Variants in NCAM2 observed in about 807,000 individuals in gnomAD.
NCAM2 encodes N-CAM-2.
In NCAM2, 30 loss-of-function variants were observed where a neutral mutation model predicts 98.1. The ratio of observed to expected loss-of-function variants is 0.31; its 90% confidence interval spans 0.23 to 0.41. The LOEUF is 0.41. Ranked by LOEUF, NCAM2 falls within the 10% of genes least tolerant of loss-of-function variation. NCAM2 has a pLI of 1.00. For missense variants in NCAM2, 867 were observed against 1,005.8 expected, an observed-to-expected ratio of 0.86 and a Z score of 1.87; for synonymous variants, 368 against 342.4, an observed-to-expected ratio of 1.07 and a Z score of -0.83.
At chr21:21,367,856 C>T (rs2075824388) in intron 8 of NCAM2, among the ~76,000 whole-genome samples, 1 of 151,804 alleles carries the variant, frequency 6.6e-6, no homozygotes, top group Non-Finnish European at 1.5e-5. Context: ...AGGATATAAG[C>T]CTATCCATTC....
intron 1 of NCAM2, among the ~76,000 whole-genome samples, chr21:21,064,701 C>G (rs1443729545): frequency 1.3e-5 from 2 of 152,128 alleles, no homozygotes; most frequent in African/African-American, 2.4e-5. Context: ...CTGAATCATG[C>G]TACAGAAAAC....
At chr21:21,050,667 C>A (rs2065090772) in intron 1 of NCAM2, among the ~76,000 whole-genome samples, 1 of 152,166 alleles carries the variant, frequency 6.6e-6, no homozygotes, top group African/African-American at 2.4e-5. Context: ...TATTGGAGAT[C>A]TAACAAGGAA....
chr21:21,416,576 AT>A (rs758526474), intron 10 of NCAM2, among the ~76,000 whole-genome samples: 31 of 152,054 alleles, frequency 2.0e-4, no homozygotes, highest in Non-Finnish European at 2.6e-4. Flanking sequence ...GTATGCCTAT[AT>A]TTAAATATGA....
chr21:21,277,218 CGTAA>C (rs1286175015), intron 1 of NCAM2, among the ~76,000 whole-genome samples: 1 of 151,990 alleles, frequency 6.6e-6, no homozygotes, highest in Non-Finnish European at 1.5e-5. Flanking sequence ...ATAAGCTCTT[CGTAA>C]GTGTCAATTA....
chr21:21,350,761 C>T (rs2075312320), intron 8 of NCAM2, among the ~76,000 whole-genome samples: 1 of 151,956 alleles, frequency 6.6e-6, no homozygotes, highest in African/African-American at 2.4e-5. Context: ...TTCAGATATA[C>T]ATATAAGCGT....
At chr21:21,441,913 G>A (rs1313145428) in intron 12 of NCAM2, among the ~76,000 whole-genome samples, 1 of 152,126 alleles carries the variant, frequency 6.6e-6, no homozygotes, top group East Asian at 1.9e-4. Flanking sequence ...GGTACTCTAT[G>A]TAATGAACAT....
intron 9 of NCAM2, among the ~76,000 whole-genome samples, chr21:21,391,640 C>G (rs574067547): frequency 6.6e-6 from 1 of 152,290 alleles, no homozygotes; most frequent in Non-Finnish European, 1.5e-5. Context: ...CTCACCAACA[C>G]TAACATGTCT....
chr21:21,145,260 A>G (rs2067247799), intron 1 of NCAM2, among the ~76,000 whole-genome samples: 1 of 152,202 alleles, frequency 6.6e-6, no homozygotes, highest in South Asian at 2.1e-4. Context: ...CATTCACTAT[A>G]ACAAGAAAAA....
intron 1 of NCAM2, among the ~76,000 whole-genome samples, chr21:21,213,633 T>C (rs1218540607): frequency 6.6e-6 from 1 of 152,194 alleles, no homozygotes; most frequent in Non-Finnish European, 1.5e-5. Flanking sequence ...CTGTCTACAG[T>C]TCTCCAAAGA....
chr21:21,430,099 A>G (rs2077298902), intron 11 of NCAM2, among the ~76,000 whole-genome samples: 2 of 151,468 alleles, frequency 1.3e-5, no homozygotes, highest in East Asian at 2.0e-4. Context: ...CATGATCTCA[A>G]CTCACTGCAA....
chr21:21,074,714 G>A (rs9647218), intron 1 of NCAM2, among the ~76,000 whole-genome samples: 25,811 of 152,098 alleles, frequency 0.17, 2,407 homozygotes, highest in Non-Finnish European at 0.19. Flanking sequence ...GCTAACACTC[G>A]TTCTTTCTTG....
intron 1 of NCAM2, among the ~76,000 whole-genome samples, chr21:21,097,616 C>G (rs1270958253): frequency 6.6e-6 from 1 of 151,448 alleles, no homozygotes; most frequent in African/African-American, 2.4e-5. Flanking sequence ...GTATACATAA[C>G]AGATATCTGC....
intron 1 of NCAM2, among the ~76,000 whole-genome samples, chr21:21,104,911 T>A (rs1424513969): frequency 1.3e-5 from 2 of 152,138 alleles, no homozygotes; most frequent in Non-Finnish European, 2.9e-5. Flanking sequence ...GAAATCATGT[T>A]GGGAGCAGCC....
At chr21:21,002,974 T>G (rs956087974) in intron 1 of NCAM2, among the ~76,000 whole-genome samples, 3 of 152,178 alleles carry the variant, frequency 2.0e-5, no homozygotes, top group African/African-American at 4.8e-5. Context: ...TTTTATGCTT[T>G]TATTAAATGT....
rs144547486 is a variant in NCAM2, at chr21:21,362,492, A to G, written c.1045-11371A>G. On this transcript the variant is annotated intron_variant, in intron 8 of 17. Transcript: ENST00000400546. The stretch of plus-strand genomic sequence containing the variant: ...CACGGAAGCCTTGAACTCCTGGGTC[A>G]ACCAATCCTCCCACCTCAGCCTTCT... 3.9e-3 allele frequency among the ~76,000 whole-genome samples: 595 copies of G among 152,010 alleles called. 4 individuals carry two copies. Among genetic ancestry groups the G allele is most frequent in the African/African-American group, 0.013 (558 of 41,462 alleles).
chr21:21,272,495 C>T (rs530819281), intron 1 of NCAM2, among the ~76,000 whole-genome samples: 1 of 64,164 alleles, frequency 1.6e-5, no homozygotes, highest in African/African-American at 6.6e-5. Flanking sequence ...CATACACACA[C>T]ATGCGCGCGC....
At chr21:21,337,346 C>T (rs2074899612) in intron 7 of NCAM2, among the ~76,000 whole-genome samples, 1 of 152,004 alleles carries the variant, frequency 6.6e-6, no homozygotes, top group Non-Finnish European at 1.5e-5. Flanking sequence ...TGTGTAGTAA[C>T]ATTCAACAAA....
chr21:21,102,984 G>C (rs1485614245), intron 1 of NCAM2, among the ~76,000 whole-genome samples: 1 of 151,992 alleles, frequency 6.6e-6, no homozygotes, highest in Admixed American at 6.6e-5. Context: ...CCTAATGCAT[G>C]CATTCTTGTC....
At chr21:21,123,827 A>G (rs1022682224) in intron 1 of NCAM2, among the ~76,000 whole-genome samples, 1 of 118,382 alleles carries the variant, frequency 8.4e-6, no homozygotes, top group African/African-American at 3.1e-5. Flanking sequence ...AATAGTGCAC[A>G]TTTGAATTCA....
Sources: allele counts gnomAD v4.1 joint callset (sites outside exome capture counted in the v4.1 genomes callset), GRCh38; gene constraint gnomAD v4.1.1; transcripts MANE v1.5; gene names NCBI Gene and HGNC (gene_info 2026-07-23, HGNC 2026-07-21).